SVEP1: variants seen among roughly 807,000 people sequenced by gnomAD.
SVEP1 encodes the protein sushi, von Willebrand factor type A, EGF and pentraxin domain-containing protein 1.
Under a neutral mutation model 367.3 loss-of-function variants are expected in SVEP1, and 164 were observed. The ratio of observed to expected loss-of-function variants is 0.45; its 90% CI spans 0.39 to 0.51. SVEP1 has a LOEUF of 0.51. Among genes scored for constraint, SVEP1 ranks in the 20% least tolerant of loss-of-function variants. The probability of loss-of-function intolerance (pLI) is 0.00; values close to 1 mark genes in which losing one functional copy is unlikely to be tolerated. For missense variants in SVEP1, 4,117 were observed against 4,425.3 expected (o/e 0.93, Z 1.98); for synonymous variants, 1,666 against 1,611.6 (o/e 1.03, Z -0.81).
intron 3 of SVEP1, among the ~76,000 whole-genome samples, chr9:110,521,780 G>A (rs554331631): frequency 1.3e-5 from 2 of 152,012 alleles, no homozygotes; most frequent in African/African-American, 4.8e-5. Context: ...GAGGCCCTCT[G>A]GAGATTTTTT....
chr9:110,539,251 G>A (rs1830115192), intron 3 of SVEP1, among the ~76,000 whole-genome samples: 1 of 152,106 alleles, frequency 6.6e-6, no homozygotes, highest in Non-Finnish European at 1.5e-5. Context: ...GGTGTGATGG[G>A]AAAGGGAGCC....
chr9:110,378,176 C>T (rs1269846596), intron 44 of SVEP1, among the ~76,000 whole-genome samples: 1 of 152,084 alleles, frequency 6.6e-6, no homozygotes, highest in Non-Finnish European at 1.5e-5. Flanking sequence ...ATTTATCTGT[C>T]AACAGACATT....
At chr9:110,368,535 T>C (rs942483894) in intron 47 of SVEP1, among the ~76,000 whole-genome samples, 10 of 152,198 alleles carry the variant, frequency 6.6e-5, no homozygotes, top group African/African-American at 2.4e-4. Context: ...TATCCTTTCC[T>C]CAATCAAGAA....
intron 40 of SVEP1, among the ~76,000 whole-genome samples, chr9:110,392,354 G>A (rs1317296386): frequency 2.0e-5 from 3 of 151,922 alleles, no homozygotes; most frequent in Non-Finnish European, 4.4e-5. Flanking sequence ...TTGCTTCACT[G>A]TGGTGTCTCT....
chr9:110,454,915 T>C (rs765884790), intron 22 of SVEP1, among the ~76,000 whole-genome samples: 1 of 152,148 alleles, frequency 6.6e-6, no homozygotes, highest in South Asian at 2.1e-4. Flanking sequence ...ATGCAATATA[T>C]CCATGTAACA....
intron 5 of SVEP1, among the ~76,000 whole-genome samples, chr9:110,506,221 ATGGGCATT>A (rs1423215060): frequency 6.6e-6 from 1 of 152,182 alleles, no homozygotes; most frequent in Non-Finnish European, 1.5e-5. Context: ...TCTATCATTA[ATGGGCATT>A]TGGGTTGGTT....
chr9:110,476,315 C>T lies in SVEP1; in HGVS notation c.2488G>A (p.Val830Ile), dbSNP rs373593807. ...EAFETTLGKM[V>I]PSFCSDAEDI... is the part of the protein sequence containing the mutation. ...TCTGCATCACTACAAAATGATGGGA[C>T]CTGCAAGTAAAAAATGAAGAGGATA... The change falls in exon 14 of 48, where the codon GTC becomes ATC. Residue 830 changes from valine to isoleucine, a missense_variant and splice_region_variant. By Grantham distance (29) the Val-to-Ile change is conservative (BLOSUM62 3). This residue lies in a region of SVEP1 where 2,174 missense variants were observed against 2,494.3 expected (regional missense o/e 0.87). Transcript: ENST00000374469. 2.1e-5 allele frequency: 34 copies of T among 1,606,916 alleles called. No homozygotes were observed. Among genetic ancestry groups the T allele is most frequent in the Non-Finnish European group, 2.6e-5 (31 of 1,174,680 alleles).
chr9:110,526,105 T>A (rs1425789436), intron 3 of SVEP1, among the ~76,000 whole-genome samples: 3 of 152,098 alleles, frequency 2.0e-5, no homozygotes, highest in Non-Finnish European at 2.9e-5. Context: ...GGAGAAAATC[T>A]TCAGGAACCA....
In SVEP1 at chr9:110,407,562, T is replaced by A; in HGVS notation, c.8038A>T (p.Met2680Leu). 6.2e-7 allele frequency: 1 copy of A among 1,614,008 alleles called. No individual in the cohort carries two copies. The highest frequency in any genetic ancestry group is 1.1e-5 in the South Asian group (1 of 91,082). The change falls in exon 38 of 48, where the codon ATG (methionine) becomes TTG (leucine). Residue 2680 changes from methionine to leucine, a missense_variant. This residue lies in a region of SVEP1 where 1,765 missense variants were observed against 1,781.1 expected (regional missense o/e 0.99). Transcript: ENST00000374469. ...CCTGGATTACAGGTGTATGAAACCA[T>A]GGTACCATACAGAAAGTTTGATGAA... Reference protein sequence around the residue: ...THSSNFLYGTMVSYTCNPGYE... With the variant: ...THSSNFLYGTLVSYTCNPGYE...
At chr9:110,471,334 A>T (rs770142606) in intron 16 of SVEP1, 30 bp downstream of exon 16, 9 of 1,593,298 alleles carry the variant, frequency 5.6e-6, no homozygotes, top group Non-Finnish European at 7.7e-6. Flanking sequence ...GTATGCACCA[A>T]ATATTTTTGA....
intron 30 of SVEP1, among the ~76,000 whole-genome samples, chr9:110,433,022 A>G (rs1828375452): frequency 6.6e-6 from 1 of 151,948 alleles, no homozygotes; most frequent in South Asian, 2.1e-4. Flanking sequence ...TTCTCGTGAG[A>G]TCTGGTTAAG....
chr9:110,375,591 A>C, intron 45 of SVEP1, 128 bp from the exon 46 acceptor site: 2 of 742,206 alleles, frequency 2.7e-6, no homozygotes, highest in East Asian at 2.7e-5. Context: ...TATATGACTC[A>C]CTAAATAAGT....
rs1386352741 is a variant in SVEP1, at chr9:110,404,483, G to A, written c.9510C>T (p.Phe3170=). 2.5e-6 allele frequency: 4 copies of A among 1,613,850 alleles called. No homozygotes were observed. The highest frequency in any genetic ancestry group is 1.7e-6 in the Non-Finnish European group (2 of 1,179,892). ...TAGGACTGCAGGAGATTCTCTCAGG[G>A]AACCAGCGACCATCTTTCTGACAGG... is the stretch of plus-strand genomic sequence containing the variant. The part of the protein sequence containing the change: ...TFTCQKDGRW[F]PERISCSPKK... The change falls in exon 39 of 48, where the codon TTC becomes TTT. Residue 3170 remains phenylalanine (F), a synonymous_variant. Transcript: ENST00000374469.
chr9:110,486,658 T>G (rs909463216), intron 9 of SVEP1, among the ~76,000 whole-genome samples: 3 of 151,568 alleles, frequency 2.0e-5, no homozygotes, highest in Admixed American at 6.6e-5. Flanking sequence ...TCTCTCTCTT[T>G]TTTTTTTTAG....
Position 110,549,987 on chromosome 9 carries a change from C to G in SVEP1, c.649G>C (p.Glu217Gln). Reference sequence around the variant, plus strand: ...TGCCATATGCCAAAAGTGAAGATCTCCACTCCTGAATCTCGCAGTGACGCT... The same window carrying G: ...TGCCATATGCCAAAAGTGAAGATCTGCACTCCTGAATCTCGCAGTGACGCT... ...IAASLRDSGV[E>Q]IFTFGIWQGN... is the part of the protein sequence containing the mutation. The change falls in exon 2 of 48, where the codon GAG becomes CAG. Residue 217 changes from glutamate (E) to glutamine (Q), a missense_variant. Physicochemically the swap from Glu to Gln is conservative, Grantham distance 29. Around this residue, in one of 4 missense-constraint regions of SVEP1, gnomAD observed 2,174 missense variants for 2,494.3 expected, o/e 0.87. Transcript: ENST00000374469. 1 of 1,613,862 alleles carries G rather than the reference C, an allele frequency of 6.2e-7. No homozygotes were observed. The highest frequency in any genetic ancestry group is 8.5e-7 in the Non-Finnish European group (1 of 1,179,858).
rs1338239639 is a variant in SVEP1 at position 110,412,868 on chromosome 9, A to G, written c.5976-1133T>C. The stretch of plus-strand genomic sequence containing the variant: ...ACCATCTCACGGCAGTTAGAATGGC[A>G]ATCATTAAAAAGTCAGGAAACAACA... On this transcript the variant is annotated intron_variant, in intron 36 of 47. Transcript: ENST00000374469. Among the ~76,000 whole-genome samples, 16 of 152,216 alleles carry G rather than the reference A, an allele frequency of 1.1e-4. No homozygotes were observed. In the East Asian group the frequency reaches 1.7e-3, roughly 17 times the overall value.
chr9:110,503,926 G>T (rs2118756677), intron 5 of SVEP1, among the ~76,000 whole-genome samples: 1 of 152,286 alleles, frequency 6.6e-6, no homozygotes, highest in African/African-American at 2.4e-5. Context: ...AATATGCCCA[G>T]CTAAAAGATT....
At chr9:110,432,873 A>G (rs548141188) in intron 30 of SVEP1, among the ~76,000 whole-genome samples, 1 of 152,248 alleles carries the variant, frequency 6.6e-6, no homozygotes, top group South Asian at 2.1e-4. Flanking sequence ...GACGCTGATA[A>G]AGTTTGGATA....
In SVEP1 at chr9:110,408,163, A is replaced by G; in HGVS notation, c.7437T>C (p.Leu2479=). The change falls in exon 38 of 48, where the codon CTT becomes CTC. Residue 2479 remains leucine, a synonymous_variant. Coordinates refer to ENST00000374469, the MANE Select transcript of SVEP1 (RefSeq NM_153366.4). ...CAAGCCAGTGACCATTTTCTCCACA[A>G]AGGGTGGTAGTATTTCCCACCAATT... ...GFELVGNTTT[L]CGENGHWLGG... The G allele has an allele frequency of 6.2e-7, 1 of 1,613,924 alleles. No homozygotes were observed. Among genetic ancestry groups the G allele is most frequent in the Non-Finnish European group, 8.5e-7 (1 of 1,179,866 alleles).
Sources: gnomAD v4.1 joint callset for allele counts (sites outside exome capture counted in the v4.1 genomes callset) on GRCh38, gnomAD v4.1.1 for gene constraint, gnomAD v4.1.1 regional missense constraint, MANE v1.5 for transcripts, NCBI Gene and HGNC (gene_info 2026-07-23, HGNC 2026-07-21) for gene names.